The following PRH1 variants were observed in gnomAD, a reference collection of about 807,000 sequenced individuals.
PRH1 encodes the protein salivary acidic proline-rich phosphoprotein 1/2.
In PRH1, 7 loss-of-function variants were observed where a neutral mutation model predicts 7.9. The ratio of observed to expected loss-of-function variants is 0.89; its 90% CI spans 0.50 to 1.67. The LOEUF is 1.67. PRH1 is among the 40% of genes most tolerant of loss of function. PRH1 has a pLI of 0.00. For missense variants in PRH1, 109 were observed against 223.6 expected (o/e 0.49, Z 3.27); for synonymous variants, 45 against 80.8 (o/e 0.56, Z 2.38).
At chr12:11,022,682 T>C in intron 1 of PRH1, 2 of 824,066 alleles carry the variant, frequency 2.4e-6, no homozygotes, top group South Asian at 3.7e-5. Context: ...TAACATTTTC[T>C]GCCTTTAAAT....
intron 1 of PRH1, among the ~76,000 whole-genome samples, chr12:10,996,023 T>C (rs1403578952): frequency 1.3e-5 from 2 of 152,006 alleles, no homozygotes; most frequent in African/African-American, 4.8e-5. Context: ...ATTTGCTTTA[T>C]ATTAAACATA....
At chr12:11,081,542 T>C (rs1176589290) in intron 1 of PRH1, among the ~76,000 whole-genome samples, 1 of 116,186 alleles carries the variant, frequency 8.6e-6, no homozygotes, top group East Asian at 2.1e-4. Flanking sequence ...TACCTTCAAT[T>C]TGAAAGAAAC....
intron 1 of PRH1, among the ~76,000 whole-genome samples, chr12:11,151,108 T>A (rs1947067121): frequency 6.6e-6 from 1 of 152,102 alleles, no homozygotes; most frequent in South Asian, 2.1e-4. Flanking sequence ...CCTGACTGCA[T>A]TTCCCCTCAG....
intron 1 of PRH1, among the ~76,000 whole-genome samples, chr12:11,076,437 T>C (rs9697472): frequency 0.12 from 14,792 of 121,770 alleles, 2,059 homozygotes; most frequent in Non-Finnish European, 0.16. Flanking sequence ...TTTTTTAAGA[T>C]AGAGAATATT....
chr12:11,087,941 G>C (rs1353073801), intron 1 of PRH1, among the ~76,000 whole-genome samples: 1 of 109,380 alleles, frequency 9.1e-6, no homozygotes, highest in Non-Finnish European at 2.2e-5. Flanking sequence ...AATTTGCCTC[G>C]TTTTATAATA....
intron 1 of PRH1, among the ~76,000 whole-genome samples, chr12:11,146,987 C>T (rs564319218): frequency 1.4e-4 from 22 of 152,186 alleles, no homozygotes; most frequent in African/African-American, 5.3e-4. Context: ...AATCTTGATA[C>T]CCAGTAAAGA....
At chr12:11,042,623 C>CTTTTTTTT (rs71051557) in intron 1 of PRH1, among the ~76,000 whole-genome samples, 4 of 79,312 alleles carry the variant, frequency 5.0e-5, no homozygotes, top group East Asian at 3.8e-4. Context: ...CAGGCTCATT[C>CTTTTTTTT]TTTTTTTTTT....
At chr12:11,152,032 A>T (rs1035829349) in intron 1 of PRH1, among the ~76,000 whole-genome samples, 4 of 151,854 alleles carry the variant, frequency 2.6e-5, no homozygotes, top group Admixed American at 2.6e-4. Flanking sequence ...TTAGATTTTT[A>T]AATAACTTAA....
chr12:11,127,587 A>G (rs1364303288), intron 1 of PRH1, among the ~76,000 whole-genome samples: 1 of 152,142 alleles, frequency 6.6e-6, no homozygotes. Context: ...TGTACAACTT[A>G]TTGTTAACAA....
At chr12:11,133,712 G>A (rs1315006443) in intron 1 of PRH1, 2 of 1,614,056 alleles carry the variant, frequency 1.2e-6, no homozygotes, top group South Asian at 1.1e-5. Flanking sequence ...CATGGTTAGA[G>A]TCATATTTGA....
At chr12:11,093,748 A>G (rs1265433704) in intron 1 of PRH1, among the ~76,000 whole-genome samples, 1 of 115,136 alleles carries the variant, frequency 8.7e-6, no homozygotes, top group African/African-American at 2.9e-5. Flanking sequence ...TTGATAAACA[A>G]AAAATTACTA....
intron 1 of PRH1, chr12:11,133,788 C>G (rs369357073): frequency 9.9e-6 from 16 of 1,614,182 alleles, no homozygotes; most frequent in Non-Finnish European, 1.4e-5. Context: ...TTTGTCCATA[C>G]AGTCTCATCC....
chr12:11,048,696 G>T (rs78054530), upstream of PRH1: 3 of 184,048 alleles, frequency 1.6e-5, no homozygotes, highest in South Asian at 2.6e-4. Context: ...TCAGAGTGCA[G>T]GGTGTGACGT....
intron 1 of PRH1, among the ~76,000 whole-genome samples, chr12:11,017,460 C>T (rs1337689166): frequency 6.6e-6 from 1 of 151,038 alleles, no homozygotes; most frequent in Non-Finnish European, 1.5e-5. Flanking sequence ...ATTCCTGGTC[C>T]ACATGTTGAA....
chr12:11,061,354 C>A, intron 1 of PRH1: 1 of 1,607,746 alleles, frequency 6.2e-7, no homozygotes, highest in Non-Finnish European at 8.5e-7. Context: ...CACAATGCTG[C>A]TCTTGTGAAT....
chr12:10,896,849 T>C (rs752873061), intron 2 of PRH1: 2 of 151,668 alleles, frequency 1.3e-5, no homozygotes, highest in Non-Finnish European at 2.9e-5. Flanking sequence ...ATCTTAGGAG[T>C]CTGTGTACTC....
chr12:10,997,736 A>C lies in PRH1; in HGVS notation c.-125-24015T>G, dbSNP rs759110108. The C allele has an allele frequency of 4.3e-6, 7 of 1,613,842 alleles. No homozygotes were observed. The highest frequency in any genetic ancestry group is 3.3e-5 in the Admixed American group (2 of 59,942). On this transcript the variant is annotated intron_variant, in intron 1 of 3. Coordinates refer to the PRH1 transcript ENST00000539853. The stretch of plus-strand genomic sequence containing the variant: ...TCTGGAGACTGCCAGAGCAGCAATA[A>C]TTTGATCAGCTGAGGAGATCTTTTG...
At chr12:10,925,893 C>T (rs1950116289) in intron 2 of PRH1, among the ~76,000 whole-genome samples, 1 of 152,106 alleles carries the variant, frequency 6.6e-6, no homozygotes, top group South Asian at 2.1e-4. Context: ...TTGTTATGTA[C>T]CTAAGTCATG....
chr12:11,087,134 C>G (rs1482957389), intron 1 of PRH1, among the ~76,000 whole-genome samples: 278 of 88,146 alleles, frequency 3.2e-3, no homozygotes, highest in East Asian at 5.4e-3. Context: ...CACAGTCTCC[C>G]TCTGTTACCC....
Sources: gnomAD v4.1 joint callset for allele counts (sites outside exome capture counted in the v4.1 genomes callset) on GRCh38, gnomAD v4.1.1 for gene constraint, MANE v1.5 for transcripts, NCBI Gene and HGNC (gene_info 2026-07-23, HGNC 2026-07-21) for gene names.